Variants in WDR7 observed in about 807,000 individuals in gnomAD.
WDR7 encodes WD repeat domain 7, also known as WD repeat-containing protein 7.
A neutral mutation model predicts 169.4 loss-of-function variants in WDR7; 46 were observed. That is an observed-to-expected ratio of 0.27 (90% CI 0.21 to 0.35). The LOEUF (loss-of-function observed/expected upper bound fraction) is 0.35. Among genes scored for constraint, WDR7 ranks in the 10% least tolerant of loss-of-function variants. The probability of loss-of-function intolerance (pLI) is 1.00; values close to 1 mark genes in which losing one functional copy is unlikely to be tolerated. For missense variants in WDR7, 1,534 were observed against 1,859.3 expected (o/e 0.83, Z 3.22); for synonymous variants, 612 against 666.8 (o/e 0.92, Z 1.27).
At position 56,686,874 on chromosome 18, in the gene WDR7, A is replaced by C; in HGVS notation, c.617A>C (p.Glu206Ala). Residue 206 changes from glutamate (E) to alanine (A), a missense_variant, in exon 7 of 28, where the codon GAG becomes GCG. Physicochemically the swap from Glu to Ala is moderately radical, Grantham distance 107 (BLOSUM62 -1). Transcript: ENST00000254442. Reference sequence around the variant, plus strand: ...TTTCAGGATACTGAGCCAATATTTGAGGAGGAATCCAAACCAATTTATTGT... The same window carrying C: ...TTTCAGGATACTGAGCCAATATTTGCGGAGGAATCCAAACCAATTTATTGT... Reference protein sequence around the residue: ...SDMQDTEPIFEEESKPIYCQN... With the variant: ...SDMQDTEPIFAEESKPIYCQN... The C allele has an allele frequency of 1.2e-6, 2 of 1,603,214 alleles. No individual in the cohort carries two copies. Among genetic ancestry groups the C allele is most frequent in the Non-Finnish European group, 1.7e-6 (2 of 1,170,496 alleles).
At position 56,857,934 on chromosome 18, in the gene WDR7, T is replaced by C. The variant is rs111726215; in HGVS notation, c.3305-22010T>C. Reference sequence around the variant, plus strand: ...ACTCCCTTTTTTAACTCCTACAGTTTGGTACATGACTAGGTTTTCCCCAGC... The same window carrying C: ...ACTCCCTTTTTTAACTCCTACAGTTCGGTACATGACTAGGTTTTCCCCAGC... On this transcript the variant is annotated intron_variant, in intron 20 of 27. Coordinates refer to ENST00000254442, the MANE Select transcript of WDR7 (RefSeq NM_015285.3). Among the ~76,000 whole-genome samples, 6 of 152,198 alleles carry C rather than the reference T, an allele frequency of 3.9e-5. 1 individual carries two copies. The highest frequency in any genetic ancestry group is 9.6e-5 in the African/African-American group (4 of 41,536).
chr18:56,932,926 T>G (rs2046909540), intron 22 of WDR7, among the ~76,000 whole-genome samples: 1 of 152,048 alleles, frequency 6.6e-6, no homozygotes, highest in African/African-American at 2.4e-5. Flanking sequence ...TGTCTCCCTC[T>G]CTTAGCTTCT....
intron 26 of WDR7, among the ~76,000 whole-genome samples, chr18:56,997,214 C>A (rs147730238): frequency 8.7e-4 from 132 of 152,308 alleles, no homozygotes; most frequent in African/African-American, 3.1e-3. Flanking sequence ...CTTCTCCATG[C>A]TCCCTGGCAG....
chr18:56,910,885 C>T (rs991670243), intron 21 of WDR7, among the ~76,000 whole-genome samples: 1 of 152,130 alleles, frequency 6.6e-6, no homozygotes, highest in South Asian at 2.1e-4. Context: ...TTGTGATTGA[C>T]GTGACTTTTC....
rs902575854 is a variant in WDR7, at chr18:56,754,394, T to C, written c.1990-2189T>C. Among the ~76,000 whole-genome samples, 5 of 149,944 alleles carry C rather than the reference T, an allele frequency of 3.3e-5. No individual in the cohort carries two copies. The South Asian group carries it at 8.4e-4, about 25-fold the overall frequency. On this transcript the variant is annotated intron_variant, in intron 14 of 27. Transcript: ENST00000254442. ...ACACGTATATATGTGTATATATACG[T>C]GTATATATACACATATATACACACA...
chr18:56,701,829 C>T (rs891419009), intron 12 of WDR7, among the ~76,000 whole-genome samples: 1 of 152,198 alleles, frequency 6.6e-6, no homozygotes, highest in African/African-American at 2.4e-5. Context: ...CTCCTGTTCT[C>T]CAGCTTTTTG....
intron 16 of WDR7, among the ~76,000 whole-genome samples, chr18:56,767,552 C>A (rs1231327161): frequency 1.3e-5 from 2 of 152,164 alleles, no homozygotes; most frequent in Non-Finnish European, 2.9e-5. Flanking sequence ...GGCTTGAAAA[C>A]CATTGTTCAT....
At chr18:56,708,030 CTTTTT>C (rs752679794) in intron 12 of WDR7, among the ~76,000 whole-genome samples, 1 of 132,814 alleles carries the variant, frequency 7.5e-6, no homozygotes, top group Non-Finnish European at 1.6e-5. Flanking sequence ...GTGTTTATTC[CTTTTT>C]TTTTTTTTTT....
intron 19 of WDR7, among the ~76,000 whole-genome samples, chr18:56,798,845 A>G (rs1414899525): frequency 3.3e-5 from 5 of 152,218 alleles, no homozygotes; most frequent in African/African-American, 1.2e-4. Flanking sequence ...TTTCATTTAT[A>G]AACACTGCAT....
intron 22 of WDR7, among the ~76,000 whole-genome samples, chr18:56,932,659 G>C (rs1342064098): frequency 6.6e-6 from 1 of 152,082 alleles, no homozygotes; most frequent in Non-Finnish European, 1.5e-5. Context: ...TTTTGTATTT[G>C]TTACCTCATT....
chr18:56,668,045 A>G (rs2025059577), intron 1 of WDR7, among the ~76,000 whole-genome samples: 2 of 152,182 alleles, frequency 1.3e-5, no homozygotes, highest in Non-Finnish European at 2.9e-5. Flanking sequence ...GCAGAACTCC[A>G]GTAGCCTCAT....
At chr18:56,849,971 A>G (rs570329851) in intron 20 of WDR7, among the ~76,000 whole-genome samples, 2 of 152,232 alleles carry the variant, frequency 1.3e-5, no homozygotes, top group African/African-American at 4.8e-5. Context: ...CCATCCCTTC[A>G]CATTCACCAT....
At chr18:56,879,357 T>A (rs1006602139) in intron 20 of WDR7, among the ~76,000 whole-genome samples, 5 of 152,196 alleles carry the variant, frequency 3.3e-5, no homozygotes, top group Admixed American at 3.3e-4. Flanking sequence ...TTGCTTTGCA[T>A]TTTCCTCATG....
At chr18:56,711,261 A>G (rs1447272780) in intron 12 of WDR7, among the ~76,000 whole-genome samples, 2 of 152,082 alleles carry the variant, frequency 1.3e-5, no homozygotes, top group Non-Finnish European at 2.9e-5. Flanking sequence ...TTGAAATCTT[A>G]TCCCACCCAG....
intron 26 of WDR7, among the ~76,000 whole-genome samples, chr18:56,964,082 C>T (rs2047371961): frequency 6.7e-6 from 1 of 149,400 alleles, no homozygotes; most frequent in Non-Finnish European, 1.5e-5. Context: ...GTGAGGCGAC[C>T]CCAAGATGAG....
In WDR7 at chr18:56,852,013, CT is replaced by C. The variant is rs2045647602; in HGVS notation, c.3305-27929del. On this transcript the variant is annotated intron_variant, in intron 20 of 27. Coordinates refer to ENST00000254442, the MANE Select transcript of WDR7 (RefSeq NM_015285.3). The stretch of plus-strand genomic sequence containing the variant: ...CTTCACAGAGAAAATGACCCTCTGG[CT>C]TCATTTCTCAGCCTCTGACCTTCTC... Among the ~76,000 whole-genome samples the C allele has an allele frequency of 2.6e-5, 4 of 152,176 alleles. No homozygotes were observed. In the South Asian group the frequency reaches 6.2e-4, roughly 24 times the overall value.
chr18:56,880,119 C>T lies in WDR7; in HGVS notation c.3480C>T (p.Phe1160=), dbSNP rs34519191. 1,759 of 1,614,000 alleles carry T rather than the reference C, an allele frequency of 1.1e-3. 20 individuals are homozygous for T. The African/African-American group carries it at 0.021, about 20-fold the overall frequency. The change falls in exon 21 of 28, where the codon TTC becomes TTT. Residue 1160 remains phenylalanine (F), a synonymous_variant. Coordinates refer to ENST00000254442, the MANE Select transcript of WDR7 (RefSeq NM_015285.3). ...GCTCTAGCCAAATTCCTGAGGGATT[C>T]GGGTTGACTAGTGGTGGATCCAACT... ...PRSSSQIPEG[F]GLTSGGSNYS...
At position 56,758,904 on chromosome 18, in the gene WDR7, G is replaced by A; in HGVS notation, c.2799G>A (p.Arg933=). The change falls in exon 16 of 28, where the codon AGG becomes AGA. Residue 933 remains arginine (R), a synonymous_variant. Transcript: ENST00000254442. ...GCACCCCAGACCTTTCTAAGGCAAG[G>A]GGTTCCCCTCCAACTTCCAGTAATA... ...RPSTPDLSKA[R]GSPPTSSNIV... 1 of 1,612,968 alleles carries A rather than the reference G, an allele frequency of 6.2e-7. No homozygotes were observed. Among genetic ancestry groups the A allele is most frequent in the Non-Finnish European group, 8.5e-7 (1 of 1,179,462 alleles).
chr18:56,915,481 CTAAT>C (rs976020698), intron 21 of WDR7, among the ~76,000 whole-genome samples: 4 of 152,156 alleles, frequency 2.6e-5, no homozygotes, highest in Non-Finnish European at 4.4e-5. Context: ...AATTGAGCTA[CTAAT>C]TAAAGTATTT....
Sources: gnomAD v4.1 joint callset for allele counts (sites outside exome capture counted in the v4.1 genomes callset) on GRCh38, gnomAD v4.1.1 for gene constraint, MANE v1.5 for transcripts, NCBI Gene and HGNC (gene_info 2026-07-23, HGNC 2026-07-21) for gene names.